The following ACTL6A variants were observed in gnomAD, a reference collection of about 807,000 sequenced individuals.
The protein encoded by ACTL6A is actin like 6A, also known as actin-like protein 6A.
A neutral mutation model predicts 59.2 loss-of-function variants in ACTL6A; 5 were observed. The observed-to-expected ratio is 0.08, with a 90% CI of 0.04 to 0.18. The LOEUF (loss-of-function observed/expected upper bound fraction) is 0.18, where lower values mean the gene tolerates loss of function less well. Ranked by LOEUF, ACTL6A falls within the 10% of genes least tolerant of loss-of-function variation. The pLI, the probability that ACTL6A is intolerant of heterozygous loss-of-function variation, is 1.00. For synonymous variants in ACTL6A, 154 were observed against 171.8 expected, an observed-to-expected ratio of 0.90 and a Z score of 0.81; for missense variants, 285 against 526.9, an observed-to-expected ratio of 0.54 and a Z score of 4.49.
At chr3:179,583,651 AT>A (rs1718399744) in intron 12 of ACTL6A, 1 of 435,680 alleles carries the variant, frequency 2.3e-6, no homozygotes, top group Admixed American at 4.0e-5. Context: ...AATCTCATTT[AT>A]TAATATTTAA....
chr3:179,573,855 A>G (rs1718089030), intron 4 of ACTL6A, among the ~76,000 whole-genome samples: 1 of 152,170 alleles, frequency 6.6e-6, no homozygotes, highest in Non-Finnish European at 1.5e-5. Flanking sequence ...GATGTTGAAC[A>G]AGGGCTGGAA....
At chr3:179,571,465 A>G (rs1718007035) in intron 3 of ACTL6A, among the ~76,000 whole-genome samples, 1 of 151,916 alleles carries the variant, frequency 6.6e-6, no homozygotes, top group Admixed American at 6.6e-5. Flanking sequence ...AGGGATAGCC[A>G]AAATCACTCT....
In ACTL6A at chr3:179,588,265, T is replaced by C; in HGVS notation, c.*255T>C. 1 of 340,884 alleles carries C rather than the reference T, an allele frequency of 2.9e-6. No individual in the cohort carries two copies. Among genetic ancestry groups the C allele is most frequent in the African/African-American group, 2.1e-5 (1 of 46,754 alleles). 21.1% of individuals were successfully genotyped at this position (340,884 alleles called of 1,614,324 possible). A position where few individuals can be genotyped will look rare whatever the true frequency, so the allele number is the denominator to read the frequency against. On this transcript the variant is annotated 3_prime_UTR_variant, in exon 14 of 14. Coordinates refer to ENST00000429709, the MANE Select transcript of ACTL6A (RefSeq NM_004301.5). The stretch of plus-strand genomic sequence containing the variant: ...TTTTCTCTAAATATTTTGCTTTCAG[T>C]AAAATGCTTTCCAACTCTGTTTAGT...
rs771065669 is a variant in ACTL6A, at chr3:179,570,772, G to A, written c.277+531G>A. Among the ~76,000 whole-genome samples the A allele has an allele frequency of 6.6e-6, 1 of 152,184 alleles. No homozygotes were observed. The highest frequency in any genetic ancestry group is 2.1e-4 in the South Asian group (1 of 4,836). On this transcript the variant is annotated intron_variant, in intron 3 of 13. Transcript: ENST00000429709. The surrounding 1 kb of genome is among the most constrained non-coding windows in gnomAD (Gnocchi z 4.3). ...GTCAGTAGCAGGAAAGGTAGGCAGA[G>A]AGCAGTAGCAGGAAAGGTAGGCAGG...
chr3:179,572,534 G>A (rs1167969378), intron 3 of ACTL6A, among the ~76,000 whole-genome samples: 2 of 152,106 alleles, frequency 1.3e-5, no homozygotes, highest in African/African-American at 2.4e-5. Flanking sequence ...GGCTGGGGGC[G>A]GTGGCTCACG....
intron 13 of ACTL6A, 144 bp downstream of exon 13, chr3:179,586,776 T>G: frequency 1.5e-6 from 1 of 683,218 alleles, no homozygotes. Context: ...AATAACCAGT[T>G]TTATGTGTTC....
At chr3:179,586,972 C>T (rs1272111206) in intron 13 of ACTL6A, among the ~76,000 whole-genome samples, 1 of 152,034 alleles carries the variant, frequency 6.6e-6, no homozygotes, top group African/African-American at 2.4e-5. Context: ...AAGTTCTGGT[C>T]ATTCCCCAGT....
chr3:179,582,661 G>A (rs1189048143), intron 11 of ACTL6A, among the ~76,000 whole-genome samples: 1 of 152,160 alleles, frequency 6.6e-6, no homozygotes, highest in Non-Finnish European at 1.5e-5. Flanking sequence ...GCTGGTGGTT[G>A]CAATTAATAT....
At chr3:179,577,996 A>G (rs1718220677) in intron 8 of ACTL6A, among the ~76,000 whole-genome samples, 1 of 152,162 alleles carries the variant, frequency 6.6e-6, no homozygotes. Context: ...TCCTTTGGGT[A>G]TATACCCAGT....
intron 8 of ACTL6A, among the ~76,000 whole-genome samples, chr3:179,579,867 C>CA (rs1290297264): frequency 1.3e-5 from 2 of 152,188 alleles, no homozygotes; most frequent in Non-Finnish European, 2.9e-5. Context: ...ACTGCAGTCT[C>CA]AAACACCTGG....
At chr3:179,583,279 T>A (rs895273893) in intron 11 of ACTL6A, 74 bp from the exon 12 acceptor site, 5 of 1,159,466 alleles carry the variant, frequency 4.3e-6, no homozygotes, top group Admixed American at 3.8e-5. Context: ...GAGCACATGG[T>A]TATATTTGTA....
At chr3:179,576,181 C>A in intron 5 of ACTL6A, 36 bp from the exon 6 acceptor site, 1 of 1,462,348 alleles carries the variant, frequency 6.8e-7, no homozygotes, top group Non-Finnish European at 9.6e-7. Context: ...ATTTTAGCGG[C>A]CTTGATACTT....
intron 13 of ACTL6A, among the ~76,000 whole-genome samples, 174 bp from the exon 14 acceptor site, chr3:179,587,756 G>T (rs1352649244): frequency 1.3e-5 from 2 of 151,946 alleles, no homozygotes; most frequent in Non-Finnish European, 2.9e-5. Flanking sequence ...GGAGTCCCAG[G>T]CTGAGGTGGG....
In ACTL6A at chr3:179,573,491, T is replaced by A. The variant is rs1420834273; in HGVS notation, c.378+22T>A. On this transcript the variant is annotated intron_variant, in intron 4 of 13. Coordinates refer to ENST00000429709, the MANE Select transcript of ACTL6A (RefSeq NM_004301.5). ...ACCGGTGAGATAAAGATTTTCTTTT[T>A]CACGTTTCTCTAGTTGTTTTTTTTT... 2.0e-6 allele frequency: 3 copies of A among 1,474,042 alleles called. No homozygotes were observed. In the Admixed American group the frequency reaches 7.9e-5, roughly 39 times the overall value. The allele number at this position is 1,474,042 out of a possible 1,614,324, so 91.3% of individuals were successfully genotyped here. A position where few individuals can be genotyped will look rare whatever the true frequency, so the allele number is the denominator to read the frequency against.
At chr3:179,564,015 A>G (rs1717755768) in intron 1 of ACTL6A, among the ~76,000 whole-genome samples, 1 of 152,194 alleles carries the variant, frequency 6.6e-6, no homozygotes, top group South Asian at 2.1e-4. Flanking sequence ...ATGAAGGTTA[A>G]ATGAAATAAT....
intron 1 of ACTL6A, among the ~76,000 whole-genome samples, chr3:179,569,052 A>T (rs1304176443): frequency 2.6e-5 from 4 of 152,224 alleles, no homozygotes; most frequent in Admixed American, 2.6e-4. Flanking sequence ...ACTTTAATAG[A>T]TATGACTAAA....
intron 1 of ACTL6A, among the ~76,000 whole-genome samples, chr3:179,564,132 T>C (rs530438979): frequency 6.6e-6 from 1 of 152,304 alleles, no homozygotes; most frequent in Admixed American, 6.5e-5. Context: ...TCTACTGATT[T>C]AGAGCCTCCA....
At chr3:179,576,114 A>G in intron 5 of ACTL6A, 103 bp from the exon 6 acceptor site, 2 of 782,264 alleles carry the variant, frequency 2.6e-6, no homozygotes, top group Admixed American at 4.6e-5. Context: ...TATAAGGTAC[A>G]TGTTTAAGAA....
chr3:179,567,652 T>C (rs901491018), intron 1 of ACTL6A, among the ~76,000 whole-genome samples: 6 of 152,192 alleles, frequency 3.9e-5, no homozygotes, highest in Non-Finnish European at 5.9e-5. Context: ...AATAAAAGTA[T>C]TAAATTTTAC....
Sources: gnomAD v4.1 joint callset for allele counts (sites outside exome capture counted in the v4.1 genomes callset) on GRCh38, gnomAD v4.1.1 for gene constraint, Gnocchi (gnomAD v3.1) non-coding constraint, MANE v1.5 for transcripts, NCBI Gene and HGNC (gene_info 2026-07-23, HGNC 2026-07-21) for gene names.